Variants in SPPL2C observed in about 807,000 individuals in gnomAD.
SPPL2C encodes the protein signal peptide peptidase-like 2C.
In SPPL2C, 33 loss-of-function variants were observed where a neutral mutation model predicts 38.8. That is an observed-to-expected ratio of 0.85 (90% confidence interval 0.64 to 1.14). The LOEUF (loss-of-function observed/expected upper bound fraction) is 1.14. Ranked by LOEUF, SPPL2C falls within the 50% of genes most tolerant of loss-of-function variation. The probability of loss-of-function intolerance (pLI) is 0.00; values close to 1 mark genes in which losing one functional copy is unlikely to be tolerated. For synonymous variants in SPPL2C, 384 were observed against 390.7 expected (o/e 0.98, Z 0.20); for missense variants, 899 against 904.4 (o/e 0.99, Z 0.08).
chr17:45,845,676 G>T lies in SPPL2C; in HGVS notation c.770G>T (p.Gly257Val), dbSNP rs1443938066. Residue 257 changes from glycine to valine, a missense_variant, in exon 1 of 1, where the codon GGC becomes GTC. Coordinates refer to ENST00000329196, the MANE Select transcript of SPPL2C (RefSeq NM_175882.3). ...IPVDFTPAMT[G>V]VVVTLSCSLM... The stretch of plus-strand genomic sequence containing the variant: ...GTGGACTTCACGCCGGCCATGACAG[G>T]CGTGGTGGTCACCCTGTCCTGCTCG... The T allele has an allele frequency of 6.2e-7, 1 of 1,613,804 alleles. No homozygotes were observed.
At position 45,846,910 on chromosome 17, in the gene SPPL2C, G is replaced by C. The variant is rs757814748; in HGVS notation, c.2004G>C (p.Lys668Asn). The C allele has an allele frequency of 3.1e-6, 5 of 1,593,910 alleles. No individual in the cohort carries two copies. In the African/African-American group the frequency reaches 5.4e-5, roughly 17 times the overall value. ...ETGLPWAGLH[K>N]RKGLKVRKSM... ...GCCTGCCCTGGGCGGGACTCCACAA[G>C]AGGAAGGGTTTGAAAGTAAGAAAGA... Residue 668 changes from lysine (K) to asparagine (N), a missense_variant, in exon 1 of 1, where the codon AAG (lysine) becomes AAC (asparagine). By Grantham distance (94) the Lys-to-Asn change is moderately conservative. Transcript: ENST00000329196.
Position 45,846,896 on chromosome 17 carries a change from G to A in SPPL2C, c.1990G>A (p.Ala664Thr). The A allele has an allele frequency of 6.2e-7, 1 of 1,604,502 alleles. No individual in the cohort carries two copies. The highest frequency in any genetic ancestry group is 8.5e-7 in the Non-Finnish European group (1 of 1,174,936). The change falls in exon 1 of 1, where the codon GCG becomes ACG. Residue 664 changes from alanine to threonine, a missense_variant. Physicochemically the swap from Ala to Thr is moderately conservative, Grantham distance 58. Transcript: ENST00000329196. ...AQAHETGLPW[A>T]GLHKRKGLKV... ...GGCCCACGAGACTGGCCTGCCCTGG[G>A]CGGGACTCCACAAGAGGAAGGGTTT...
chr17:45,845,408 G>A lies in SPPL2C; in HGVS notation c.502G>A (p.Glu168Lys), dbSNP rs267604918. 3 of 1,613,310 alleles carry A rather than the reference G, an allele frequency of 1.9e-6. No homozygotes were observed. Among genetic ancestry groups the A allele is most frequent in the Non-Finnish European group, 1.7e-6 (2 of 1,180,024 alleles). ...GGACATCCTCAGCCACACTCGTGGG[G>A]AGGCCGTCGTCCGCGTGGCCATGTA... ...MLDILSHTRG[E>K]AVVRVAMYAP... Residue 168 changes from glutamate (E) to lysine (K), a missense_variant, in exon 1 of 1, where the codon GAG (glutamate) becomes AAG (lysine). Coordinates refer to ENST00000329196, the MANE Select transcript of SPPL2C (RefSeq NM_175882.3).
rs1597748395 is a variant in SPPL2C, at chr17:45,847,012, G to C, written c.*51G>C. ...CTCAAAGGGCTGGTGGAACATTGCAGAGCAAAGCCATGCATGGCAACAAGA... is the reference window on the plus strand; with the variant it reads ...CTCAAAGGGCTGGTGGAACATTGCACAGCAAAGCCATGCATGGCAACAAGA... On this transcript the variant is annotated 3_prime_UTR_variant, in exon 1 of 1. Transcript: ENST00000329196. 6.7e-7 allele frequency: 1 copy of C among 1,490,444 alleles called. No individual in the cohort carries two copies. Among genetic ancestry groups the C allele is most frequent in the East Asian group, 2.3e-5 (1 of 43,820 alleles). 92.3% of individuals were successfully genotyped at this position (1,490,444 alleles called of 1,614,324 possible). A position where few individuals can be genotyped will look rare whatever the true frequency, so the allele number is the denominator to read the frequency against.
chr17:45,845,558 G>T lies in SPPL2C; in HGVS notation c.652G>T (p.Ala218Ser). ...TEANRLQRRR[A>S]RRGGGSGGHH... Reference sequence around the variant, plus strand: ...AGCCAACCGGCTACAGCGGCGCCGTGCCCGAAGAGGAGGGGGGTCTGGTGG... The same window carrying T: ...AGCCAACCGGCTACAGCGGCGCCGTTCCCGAAGAGGAGGGGGGTCTGGTGG... Residue 218 changes from alanine to serine, a missense_variant, in exon 1 of 1, where the codon GCC becomes TCC. Physicochemically the swap from Ala to Ser is moderately conservative, Grantham distance 99 (BLOSUM62 1). Coordinates refer to ENST00000329196, the MANE Select transcript of SPPL2C (RefSeq NM_175882.3). The T allele has an allele frequency of 6.2e-7, 1 of 1,602,594 alleles. No individual in the cohort carries two copies. Among genetic ancestry groups the T allele is most frequent in the South Asian group, 1.1e-5 (1 of 90,698 alleles).
Position 45,845,313 on chromosome 17 carries a change from C to T in SPPL2C, c.407C>T (p.Pro136Leu). The change falls in exon 1 of 1, where the codon CCC (proline) becomes CTC (leucine). Residue 136 changes from proline (P) to leucine (L), a missense_variant. Pro to Leu is a moderately conservative substitution (Grantham distance 98). Coordinates refer to ENST00000329196, the MANE Select transcript of SPPL2C (RefSeq NM_175882.3). Reference protein sequence around the residue: ...DQQCSDTTLAPQDPRQPLADL... With the variant: ...DQQCSDTTLALQDPRQPLADL... Reference sequence around the variant, plus strand: ...CAGTGCTCAGACACCACCCTGGCACCCCAGGATCCCCGCCAGCCCCTGGCA... The same window carrying T: ...CAGTGCTCAGACACCACCCTGGCACTCCAGGATCCCCGCCAGCCCCTGGCA... 1 of 1,613,938 alleles carries T rather than the reference C, an allele frequency of 6.2e-7. No individual in the cohort carries two copies. The highest frequency in any genetic ancestry group is 8.5e-7 in the Non-Finnish European group (1 of 1,179,988).
Position 45,846,394 on chromosome 17 carries a change from G to A in SPPL2C, c.1488G>A (p.Met496Ile). The change falls in exon 1 of 1, where the codon ATG becomes ATA. Residue 496 changes from methionine to isoleucine, a missense_variant. By Grantham distance (10) the Met-to-Ile change is conservative (BLOSUM62 1). Coordinates refer to ENST00000329196, the MANE Select transcript of SPPL2C (RefSeq NM_175882.3). ...TCATGGCCATGGTCCTCATGCAGAT[G>A]GGCCAACCTGCCTTGCTCTACCTAG... ...VTFMAMVLMQ[M>I]GQPALLYLVS... 1 of 1,613,522 alleles carries A rather than the reference G, an allele frequency of 6.2e-7. No individual in the cohort carries two copies. The highest frequency in any genetic ancestry group is 8.5e-7 in the Non-Finnish European group (1 of 1,180,034).
In SPPL2C at chr17:45,846,872, G is replaced by A. The variant is rs2062555209; in HGVS notation, c.1966G>A (p.Ala656Thr). 6.2e-7 allele frequency: 1 copy of A among 1,612,044 alleles called. No individual in the cohort carries two copies. Among genetic ancestry groups the A allele is most frequent in the Non-Finnish European group, 8.5e-7 (1 of 1,179,158 alleles). Reference protein sequence around the residue: ...ELGHVHAQAQAHETGLPWAGL... With the variant: ...ELGHVHAQAQTHETGLPWAGL... Reference sequence around the variant, plus strand: ...GGGCCATGTCCATGCCCAGGCCCAGGCCCACGAGACTGGCCTGCCCTGGGC... The same window carrying A: ...GGGCCATGTCCATGCCCAGGCCCAGACCCACGAGACTGGCCTGCCCTGGGC... Residue 656 changes from alanine to threonine, a missense_variant, in exon 1 of 1, where the codon GCC (alanine) becomes ACC (threonine). Transcript: ENST00000329196.
Position 45,846,873 on chromosome 17 carries a change from C to G in SPPL2C, c.1967C>G (p.Ala656Gly), listed in dbSNP as rs1221510484. 1.2e-6 allele frequency: 2 copies of G among 1,611,758 alleles called. No individual in the cohort carries two copies. Among genetic ancestry groups the G allele is most frequent in the Admixed American group, 3.3e-5 (2 of 59,978 alleles). Residue 656 changes from alanine to glycine, a missense_variant, in exon 1 of 1, where the codon GCC becomes GGC. Transcript: ENST00000329196. ...GGCCATGTCCATGCCCAGGCCCAGG[C>G]CCACGAGACTGGCCTGCCCTGGGCG... ...ELGHVHAQAQ[A>G]HETGLPWAGL...
Position 45,846,730 on chromosome 17 carries a change from C to T in SPPL2C, c.1824C>T (p.His608=), listed in dbSNP as rs368909958. 6.2e-7 allele frequency: 1 copy of T among 1,614,238 alleles called. No individual in the cohort carries two copies. The highest frequency in any genetic ancestry group is 8.5e-7 in the Non-Finnish European group (1 of 1,180,048). ...SDSSEGWSDA[H]LDPNELPFIP... ...GCTCCGAGGGCTGGAGTGACGCCCA[C>T]TTGGATCCTAATGAGCTGCCCTTCA... Residue 608 remains histidine (H), a synonymous_variant, in exon 1 of 1, where the codon CAC becomes CAT. Coordinates refer to ENST00000329196, the MANE Select transcript of SPPL2C (RefSeq NM_175882.3).
rs368326249 is a variant in SPPL2C, at chr17:45,844,883, A to C, written c.-24A>C. ...AGGGGTATTGGGCTGCCGCCCGCAG[A>C]TGTTGCAGTAGGAACTGAAGAAGAT... On this transcript the variant is annotated 5_prime_UTR_variant, in exon 1 of 1. It removes an upstream start codon present in the reference 5' UTR. Coordinates refer to ENST00000329196, the MANE Select transcript of SPPL2C (RefSeq NM_175882.3). 2 of 1,574,746 alleles carry C rather than the reference A, an allele frequency of 1.3e-6. No homozygotes were observed. Among genetic ancestry groups the C allele is most frequent in the African/African-American group, 1.3e-5 (1 of 74,272 alleles).
At position 45,845,700 on chromosome 17, in the gene SPPL2C, C is replaced by G; in HGVS notation, c.794C>G (p.Ser265Trp). ...GGCGTGGTGGTCACCCTGTCCTGCT[C>G]GCTCATGCTGCTGCTCTACTTCTTC... ...MTGVVVTLSC[S>W]LMLLLYFFYD... The change falls in exon 1 of 1, where the codon TCG (serine) becomes TGG (tryptophan). Residue 265 changes from serine (S) to tryptophan (W), a missense_variant. Coordinates refer to ENST00000329196, the MANE Select transcript of SPPL2C (RefSeq NM_175882.3). 1 of 1,613,812 alleles carries G rather than the reference C, an allele frequency of 6.2e-7. No individual in the cohort carries two copies. Among genetic ancestry groups the G allele is most frequent in the Non-Finnish European group, 8.5e-7 (1 of 1,180,044 alleles).
rs171443 is a variant in SPPL2C at position 45,846,532 on chromosome 17, A to G, written c.1626A>G (p.Ser542=). ...AKMCGLGCAP[S]AGSRQKQEGA... ...TGTGTGGGCTCGGCTGTGCCCCTTC[A>G]GCTGGCTCTAGGCAGAAGCAGGAGG... The change falls in exon 1 of 1, where the codon TCA becomes TCG. Residue 542 remains serine (S), a synonymous_variant. Transcript: ENST00000329196. 0.9 allele frequency: 1,450,173 copies of G among 1,612,276 alleles called. 654,074 individuals are homozygous for G. Among genetic ancestry groups the G allele is most frequent in the East Asian group, 1 (44,853 of 44,864 alleles).
rs777472151 is a variant in SPPL2C, at chr17:45,846,558, G to A, written c.1652G>A (p.Gly551Asp). The change falls in exon 1 of 1, where the codon GGC (glycine) becomes GAC (aspartate). Residue 551 changes from glycine to aspartate, a missense_variant. Physicochemically the swap from Gly to Asp is moderately conservative, Grantham distance 94. Coordinates refer to ENST00000329196, the MANE Select transcript of SPPL2C (RefSeq NM_175882.3). ...PSAGSRQKQEGAADAHTASTL... is the reference protein window; with the variant it reads ...PSAGSRQKQEDAADAHTASTL... The stretch of plus-strand genomic sequence containing the variant: ...GCTGGCTCTAGGCAGAAGCAGGAGG[G>A]CGCAGCAGATGCCCACACAGCCAGC... 3.1e-6 allele frequency: 5 copies of A among 1,613,052 alleles called. No individual in the cohort carries two copies. The highest frequency in any genetic ancestry group is 2.7e-5 in the African/African-American group (2 of 75,078).
rs772418201 is a variant in SPPL2C at position 45,846,574 on chromosome 17, C to T, written c.1668C>T (p.His556=). The change falls in exon 1 of 1, where the codon CAC becomes CAT. Residue 556 remains histidine, a synonymous_variant. Transcript: ENST00000329196. The stretch of plus-strand genomic sequence containing the variant: ...AGCAGGAGGGCGCAGCAGATGCCCA[C>T]ACAGCCAGCACACTTGAGAGAGGCA... The part of the protein sequence containing the change: ...RQKQEGAADA[H]TASTLERGTS... The T allele has an allele frequency of 3.1e-6, 5 of 1,613,588 alleles. No individual in the cohort carries two copies. Among genetic ancestry groups the T allele is most frequent in the African/African-American group, 2.7e-5 (2 of 75,056 alleles).
Position 45,845,646 on chromosome 17 carries a change from TC to T in SPPL2C, c.743del (p.Pro248GlnfsTer8), listed in dbSNP as rs1182091925. The T allele has an allele frequency of 6.2e-7, 1 of 1,613,586 alleles. No homozygotes were observed. Among genetic ancestry groups the T allele is most frequent in the Admixed American group, 1.7e-5 (1 of 60,024 alleles). On this transcript the variant is annotated frameshift_variant, in exon 1 of 1. Transcript: ENST00000329196. LOFTEE classifies it high-confidence loss of function. Reference sequence around the variant, plus strand: ...GCCCAGAAGGAAGATAATGAGGACATCCCAGTGGACTTCACGCCGGCCATGA... The same window carrying T: ...GCCCAGAAGGAAGATAATGAGGACATCCAGTGGACTTCACGCCGGCCATGA... ...EGAQKEDNEDIPVDFTPAMTG... is the reference protein window; with the variant it reads ...EGAQKEDNEDXPVDFTPAMTG...
rs1223832181 is a variant in SPPL2C at position 45,846,277 on chromosome 17, T to C, written c.1371T>C (p.Ala457=). 3 of 1,614,060 alleles carry C rather than the reference T, an allele frequency of 1.9e-6. No homozygotes were observed. In the African/African-American group the frequency reaches 4.0e-5, roughly 22 times the overall value. ...TTGTGGTCCCCGGCTTCCTGGTTGC[T>C]TACTGTTGCCGCTTTGATGTGCAAG... The part of the protein sequence containing the change: ...GDIVVPGFLV[A]YCCRFDVQVC... Residue 457 remains alanine, a synonymous_variant, in exon 1 of 1, where the codon GCT becomes GCC. Transcript: ENST00000329196.
rs1265558716 is a variant in SPPL2C at position 45,845,412 on chromosome 17, C to A, written c.506C>A (p.Ala169Asp). 1 of 1,613,118 alleles carries A rather than the reference C, an allele frequency of 6.2e-7. No individual in the cohort carries two copies. Among genetic ancestry groups the A allele is most frequent in the African/African-American group, 1.3e-5 (1 of 75,068 alleles). The stretch of plus-strand genomic sequence containing the variant: ...ATCCTCAGCCACACTCGTGGGGAGG[C>A]CGTCGTCCGCGTGGCCATGTACGCA... Reference protein sequence around the residue: ...LDILSHTRGEAVVRVAMYAPP... With the variant: ...LDILSHTRGEDVVRVAMYAPP... The change falls in exon 1 of 1, where the codon GCC (alanine) becomes GAC (aspartate). Residue 169 changes from alanine (A) to aspartate (D), a missense_variant. Ala to Asp is a moderately radical substitution (Grantham distance 126). Transcript: ENST00000329196.
Position 45,845,727 on chromosome 17 carries a change from A to G in SPPL2C, c.821A>G (p.Tyr274Cys). The change falls in exon 1 of 1, where the codon TAT becomes TGT. Residue 274 changes from tyrosine (Y) to cysteine (C), a missense_variant. Transcript: ENST00000329196. ...CSLMLLLYFF[Y>C]DHFVYVTIGI... The stretch of plus-strand genomic sequence containing the variant: ...CTCATGCTGCTGCTCTACTTCTTCT[A>G]TGACCACTTTGTCTATGTCACCATT... The G allele has an allele frequency of 1.9e-6, 3 of 1,613,604 alleles. No individual in the cohort carries two copies. Among genetic ancestry groups the G allele is most frequent in the Non-Finnish European group, 2.5e-6 (3 of 1,180,020 alleles).
Sources: allele counts gnomAD v4.1 joint callset, GRCh38; gene constraint gnomAD v4.1.1; transcripts MANE v1.5; gene names NCBI Gene and HGNC (gene_info 2026-07-23, HGNC 2026-07-21).